DNAJC5B: variants seen among roughly 807,000 people sequenced by gnomAD.
DNAJC5B encodes dnaJ homolog subfamily C member 5B.
Under a neutral mutation model 24.7 loss-of-function variants are expected in DNAJC5B, and 23 were observed. The ratio of observed to expected loss-of-function variants is 0.93; its 90% CI spans 0.67 to 1.32. The LOEUF is 1.32. Ranked by LOEUF, DNAJC5B falls within the 40% of genes most tolerant of loss-of-function variation. The pLI, the probability that DNAJC5B is intolerant of heterozygous loss-of-function variation, is 0.00. For synonymous variants in DNAJC5B, 101 were observed against 90.1 expected, an observed-to-expected ratio of 1.12 and a Z score of -0.68; for missense variants, 238 against 240.8, an observed-to-expected ratio of 0.99 and a Z score of 0.08.
At chr8:66,050,325 G>A (rs1169637246) in intron 2 of DNAJC5B, among the ~76,000 whole-genome samples, 1 of 152,142 alleles carries the variant, frequency 6.6e-6, no homozygotes, top group Non-Finnish European at 1.5e-5. Context: ...ATTTGTACAT[G>A]GAGAGGAATT....
At chr8:66,034,896 G>A (rs1806448284) in intron 1 of DNAJC5B, among the ~76,000 whole-genome samples, 1 of 152,098 alleles carries the variant, frequency 6.6e-6, no homozygotes, top group Non-Finnish European at 1.5e-5. Flanking sequence ...ATTTGAAATT[G>A]GATATGAATT....
At chr8:66,075,378 G>T (rs117453245) in intron 3 of DNAJC5B, among the ~76,000 whole-genome samples, 15 of 152,216 alleles carry the variant, frequency 9.9e-5, no homozygotes, top group South Asian at 4.1e-4. Flanking sequence ...GGAACCATGG[G>T]GGGGGAAATG....
chr8:66,082,540 T>G (rs541801698), intron 5 of DNAJC5B, among the ~76,000 whole-genome samples: 32 of 152,284 alleles, frequency 2.1e-4, no homozygotes, highest in Non-Finnish European at 4.3e-4. Context: ...TACATGTCTC[T>G]CACTGTTCTC....
At chr8:66,029,994 G>A (rs1220780978) in intron 1 of DNAJC5B, among the ~76,000 whole-genome samples, 1 of 152,134 alleles carries the variant, frequency 6.6e-6, no homozygotes, top group Non-Finnish European at 1.5e-5. Flanking sequence ...AATAAACCTT[G>A]GTGAATAAAC....
rs1808066217 is a variant in DNAJC5B at position 66,101,185 on chromosome 8, TGTAA to T, written c.*1157_*1160del. The stretch of plus-strand genomic sequence containing the variant: ...TAGTTAATTGCTGCTAAATATATAT[TGTAA>T]GTGAGAATTAGTGTTATAGCTCTGA... On this transcript the variant is annotated 3_prime_UTR_variant, in exon 6 of 6. Transcript: ENST00000276570. Among the ~76,000 whole-genome samples, 1 of 152,240 alleles carries T rather than the reference TGTAA, an allele frequency of 6.6e-6. No homozygotes were observed. The highest frequency in any genetic ancestry group is 2.1e-4 in the South Asian group (1 of 4,836).
intron 3 of DNAJC5B, among the ~76,000 whole-genome samples, chr8:66,065,301 TC>T (rs1410607079): frequency 6.6e-6 from 1 of 152,230 alleles, no homozygotes; most frequent in Non-Finnish European, 1.5e-5. Context: ...AGATATTCCA[TC>T]TGCAAATGTG....
chr8:66,094,792 T>G (rs1046726849), intron 5 of DNAJC5B, among the ~76,000 whole-genome samples: 7 of 152,108 alleles, frequency 4.6e-5, no homozygotes, highest in Non-Finnish European at 1.0e-4. Context: ...CTATTCCTAT[T>G]TTGTTAGACC....
chr8:66,020,446 T>C (rs1490562057), upstream of DNAJC5B, among the ~76,000 whole-genome samples: 1 of 152,212 alleles, frequency 6.6e-6, no homozygotes. Flanking sequence ...AGATACTTTT[T>C]AGTATCATAT....
At chr8:66,079,582 A>G (rs546684036) in intron 4 of DNAJC5B, among the ~76,000 whole-genome samples, 4 of 152,284 alleles carry the variant, frequency 2.6e-5, no homozygotes, top group African/African-American at 9.6e-5. Flanking sequence ...GCAGAGTTAT[A>G]AGGCAATGAA....
intron 2 of DNAJC5B, among the ~76,000 whole-genome samples, chr8:66,044,132 A>G (rs1806675916): frequency 6.6e-6 from 1 of 152,206 alleles, no homozygotes; most frequent in African/African-American, 2.4e-5. Context: ...TTGTTTTCAA[A>G]TAGCAAATAA....
intron 1 of DNAJC5B, among the ~76,000 whole-genome samples, chr8:66,030,950 T>C (rs16932426): frequency 0.12 from 18,320 of 152,272 alleles, 1,150 homozygotes; most frequent in Middle Eastern, 0.15. Context: ...TTGAGGCTGC[T>C]CACAGTCCTC....
chr8:66,095,005 G>A (rs1031009332), intron 5 of DNAJC5B, among the ~76,000 whole-genome samples: 1 of 151,930 alleles, frequency 6.6e-6, no homozygotes, highest in Non-Finnish European at 1.5e-5. Context: ...GAAATGAGCT[G>A]GTCAATATTT....
chr8:66,034,356 C>T (rs1294337514), intron 1 of DNAJC5B, among the ~76,000 whole-genome samples: 1 of 151,962 alleles, frequency 6.6e-6, no homozygotes, highest in Non-Finnish European at 1.5e-5. Context: ...GCAGTGCCAG[C>T]ATTCACCCCA....
upstream of DNAJC5B, among the ~76,000 whole-genome samples, chr8:66,021,119 G>A (rs1182944627): frequency 6.6e-6 from 1 of 152,178 alleles, no homozygotes; most frequent in Non-Finnish European, 1.5e-5. Flanking sequence ...GGGGAAACAT[G>A]ATCTTCACTG....
chr8:66,068,692 T>G (rs2128962500), intron 3 of DNAJC5B, among the ~76,000 whole-genome samples: 1 of 152,182 alleles, frequency 6.6e-6, no homozygotes, highest in East Asian at 1.9e-4. Context: ...AAAAACAACA[T>G]GTCGATTTTC....
intron 1 of DNAJC5B, among the ~76,000 whole-genome samples, chr8:66,026,163 G>A (rs1244009568): frequency 2.1e-5 from 3 of 143,712 alleles, no homozygotes; most frequent in Non-Finnish European, 3.0e-5. Flanking sequence ...GGATTCCTAG[G>A]TATTTTATTC....
At chr8:66,035,785 G>C (rs935798150) in intron 1 of DNAJC5B, among the ~76,000 whole-genome samples, 1 of 152,172 alleles carries the variant, frequency 6.6e-6, no homozygotes, top group Non-Finnish European at 1.5e-5. Flanking sequence ...CCCTGTCACA[G>C]CCTCATGTTT....
chr8:66,073,730 G>T (rs985359185), intron 3 of DNAJC5B, among the ~76,000 whole-genome samples: 1 of 152,108 alleles, frequency 6.6e-6, no homozygotes, highest in African/African-American at 2.4e-5. Context: ...CCAGGGAAAG[G>T]ATTTTCTTTT....
intron 3 of DNAJC5B, among the ~76,000 whole-genome samples, chr8:66,067,725 C>A (rs1042828872): frequency 1.3e-5 from 2 of 152,116 alleles, no homozygotes; most frequent in Admixed American, 1.3e-4. Flanking sequence ...GACAGCAGCC[C>A]TAGCTGAGCT....
Sources: allele counts gnomAD v4.1 joint callset (sites outside exome capture counted in the v4.1 genomes callset), GRCh38; gene constraint gnomAD v4.1.1; transcripts MANE v1.5; gene names NCBI Gene and HGNC (gene_info 2026-07-23, HGNC 2026-07-21).